NUP133: variants seen among roughly 807,000 people sequenced by gnomAD.
The protein encoded by NUP133 is nuclear pore complex protein Nup133.
A neutral mutation model predicts 146.2 loss-of-function variants in NUP133; 66 were observed. The observed-to-expected ratio is 0.45, with a 90% CI of 0.37 to 0.55. The LOEUF (loss-of-function observed/expected upper bound fraction) is 0.55, where lower values mean the gene tolerates loss of function less well. Among genes scored for constraint, NUP133 ranks in the 20% least tolerant of loss-of-function variants. The pLI is 0.00. For synonymous variants in NUP133, 521 were observed against 498.8 expected, an observed-to-expected ratio of 1.04 and a Z score of -0.59; for missense variants, 1,277 against 1,374.8, an observed-to-expected ratio of 0.93 and a Z score of 1.12.
At chr1:229,500,621 C>A (rs1002598727) in intron 4 of NUP133, 135 bp downstream of exon 4, 28 of 565,744 alleles carry the variant, frequency 4.9e-5, no homozygotes, top group Non-Finnish European at 7.8e-5. Flanking sequence ...GTGTGTAGCT[C>A]TCTTTGCCAA....
intron 5 of NUP133, among the ~76,000 whole-genome samples, 176 bp downstream of exon 5, chr1:229,499,508 T>C (rs1348025626): frequency 1.3e-5 from 2 of 152,180 alleles, no homozygotes; most frequent in Admixed American, 1.3e-4. Context: ...TGGCTCATGC[T>C]TGTAATCCCA....
intron 16 of NUP133, among the ~76,000 whole-genome samples, chr1:229,466,052 AG>A (rs1356966975): frequency 6.6e-6 from 1 of 152,240 alleles, no homozygotes; most frequent in African/African-American, 2.4e-5. Flanking sequence ...TTGGCAAAGT[AG>A]GAAAATCATT....
Position 229,460,696 on chromosome 1 carries a change from G to T in NUP133, c.2759C>A (p.Ser920Tyr). The T allele has an allele frequency of 6.2e-7, 1 of 1,614,030 alleles. No individual in the cohort carries two copies. The highest frequency in any genetic ancestry group is 2.2e-5 in the East Asian group (1 of 44,864). The change falls in exon 20 of 26, where the codon TCT becomes TAT. Residue 920 changes from serine to tyrosine, a missense_variant. Ser to Tyr is a moderately radical substitution (Grantham distance 144). Transcript: ENST00000261396. ...KRGKLLSQPI[S>Y]QHGQLANFLQ... Reference sequence around the variant, plus strand: ...AAAATTTGCCAACTGTCCATGCTGAGAAATGGGCTGAGATAATAATTTGCC... The same window carrying T: ...AAAATTTGCCAACTGTCCATGCTGATAAATGGGCTGAGATAATAATTTGCC...
intron 3 of NUP133, 123 bp downstream of exon 3, chr1:229,501,876 C>T (rs1571941750): frequency 9.0e-6 from 6 of 667,630 alleles, no homozygotes; most frequent in African/African-American, 3.6e-5. Flanking sequence ...AAAATGCAAA[C>T]TCTTAATGCC....
intron 25 of NUP133, 72 bp downstream of exon 25, chr1:229,444,842 G>T: frequency 1.0e-6 from 1 of 968,754 alleles, no homozygotes; most frequent in Non-Finnish European, 1.6e-6. Flanking sequence ...GCAAGACTCC[G>T]TCTCAAAAAA....
In NUP133 at chr1:229,460,883, A is replaced by G. The variant is rs531662081; in HGVS notation, c.2686-114T>C. On this transcript the variant is annotated intron_variant, in intron 19 of 25. Coordinates refer to ENST00000261396, the MANE Select transcript of NUP133 (RefSeq NM_018230.3). ...CAAAACAGAAAACCTGTTCTAAACA[A>G]TAATTTCCTATATTGTAGGATCACT... is the stretch of plus-strand genomic sequence containing the variant. 1.6e-5 allele frequency: 12 copies of G among 772,536 alleles called. No individual in the cohort carries two copies. In the African/African-American group the frequency reaches 1.9e-4, roughly 12 times the overall value. 47.9% of individuals were successfully genotyped at this position (772,536 alleles called of 1,614,324 possible). A position where few individuals can be genotyped will look rare whatever the true frequency, so the allele number is the denominator to read the frequency against.
chr1:229,443,911 TTTTTTTTA>T (rs1187221894), intron 25 of NUP133, among the ~76,000 whole-genome samples: 1 of 138,632 alleles, frequency 7.2e-6, no homozygotes, highest in African/African-American at 2.9e-5. Context: ...TTTTTTTTTT[TTTTTTTTA>T]AAATAGGGAC....
intron 12 of NUP133, among the ~76,000 whole-genome samples, chr1:229,478,731 G>A (rs898109918): frequency 3.9e-5 from 6 of 152,186 alleles, no homozygotes; most frequent in Non-Finnish European, 8.8e-5. Flanking sequence ...ATACTGAGAA[G>A]GGATGAATCA....
intron 20 of NUP133, 96 bp from the exon 21 acceptor site, chr1:229,458,392 C>T: frequency 8.1e-7 from 1 of 1,233,522 alleles, no homozygotes; most frequent in Non-Finnish European, 1.1e-6. Context: ...CTCCCCTAAG[C>T]CGTATCAATG....
chr1:229,505,595 T>G (rs1432664097), intron 2 of NUP133, among the ~76,000 whole-genome samples: 1 of 75,658 alleles, frequency 1.3e-5, no homozygotes, highest in African/African-American at 4.7e-5. Context: ...AAAAAAAAAC[T>G]AAGACAGGTG....
At position 229,495,898 on chromosome 1, in the gene NUP133, A is replaced by G; in HGVS notation, c.969T>C (p.Ala323=). Residue 323 remains alanine (A), a synonymous_variant, in exon 7 of 26, where the codon GCT becomes GCC. Transcript: ENST00000261396. ...GAATATTATTGTTTCTTACCCAAAT[A>G]GCATCGGTAATGTTTTCCTTCAGGG... The part of the protein sequence containing the change: ...NRALKENITD[A]IWGSESNYEA... 6.3e-7 allele frequency: 1 copy of G among 1,590,250 alleles called. No homozygotes were observed. Among genetic ancestry groups the G allele is most frequent in the Non-Finnish European group, 8.5e-7 (1 of 1,171,710 alleles).
chr1:229,489,153 T>C (rs746037534), intron 9 of NUP133, among the ~76,000 whole-genome samples: 1 of 152,158 alleles, frequency 6.6e-6, no homozygotes, highest in Non-Finnish European at 1.5e-5. Flanking sequence ...TTTCTTTTTC[T>C]TCTTTTTTTA....
intron 18 of NUP133, among the ~76,000 whole-genome samples, chr1:229,464,235 C>T (rs988178341): frequency 1.3e-5 from 2 of 152,136 alleles, no homozygotes; most frequent in African/African-American, 4.8e-5. Flanking sequence ...GTAAAGCAAA[C>T]TCTTCCCAGT....
At chr1:229,500,062 T>C (rs1023132291) in intron 4 of NUP133, among the ~76,000 whole-genome samples, 1 of 152,240 alleles carries the variant, frequency 6.6e-6, no homozygotes, top group Non-Finnish European at 1.5e-5. Flanking sequence ...CTAGCCCCTG[T>C]TTTTAAACTG....
At chr1:229,448,835 A>G in intron 24 of NUP133, 1 of 406,332 alleles carries the variant, frequency 2.5e-6, no homozygotes, top group Non-Finnish European at 4.4e-6. Context: ...ACCCCAATTT[A>G]TAGCTGGTCG....
chr1:229,463,475 A>C, intron 19 of NUP133, 68 bp downstream of exon 19: 8 of 1,517,484 alleles, frequency 5.3e-6, no homozygotes, highest in Non-Finnish European at 7.1e-6. Context: ...TACAGATTTG[A>C]AATGGCAAAG....
chr1:229,492,445 A>G (rs1328732690), intron 8 of NUP133, among the ~76,000 whole-genome samples: 1 of 152,138 alleles, frequency 6.6e-6, no homozygotes, highest in African/African-American at 2.4e-5. Flanking sequence ...CAAAAAGATT[A>G]AAAGGGTGGC....
chr1:229,447,950 T>G (rs1312332538), intron 24 of NUP133, among the ~76,000 whole-genome samples: 1 of 152,022 alleles, frequency 6.6e-6, no homozygotes, highest in Admixed American at 6.6e-5. Flanking sequence ...AGACAGGATG[T>G]GGTAAAGAAG....
intron 12 of NUP133, among the ~76,000 whole-genome samples, chr1:229,478,682 A>C (rs544425102): frequency 6.6e-6 from 1 of 152,322 alleles, no homozygotes; most frequent in East Asian, 1.9e-4. Flanking sequence ...CAATGAACCC[A>C]CCAGGGGATT....
Sources: allele counts gnomAD v4.1 joint callset (sites outside exome capture counted in the v4.1 genomes callset), GRCh38; gene constraint gnomAD v4.1.1; transcripts MANE v1.5; gene names NCBI Gene and HGNC (gene_info 2026-07-23, HGNC 2026-07-21).